The following MTMR8 variants were observed in gnomAD, a reference collection of about 807,000 sequenced individuals.
MTMR8 encodes myotubularin related protein 8, also known as phosphatidylinositol-3,5-bisphosphate 3-phosphatase MTMR8.
In MTMR8, 65 loss-of-function variants were observed where a neutral mutation model predicts 39.3. The ratio of observed to expected loss-of-function variants is 1.65; its 90% CI spans 1.35 to 2.03. The LOEUF (loss-of-function observed/expected upper bound fraction) is 2.03. Ranked by LOEUF, MTMR8 falls within the 30% of genes most tolerant of loss-of-function variation. MTMR8 has a pLI of 0.00. For synonymous variants in MTMR8, 245 were observed against 185.2 expected, an observed-to-expected ratio of 1.32 and a Z score of -2.62; for missense variants, 777 against 538.9, an observed-to-expected ratio of 1.44 and a Z score of -4.37.
intron 4 of MTMR8, among the ~76,000 whole-genome samples, chrX:64,352,798 C>T (rs1227427374): frequency 8.9e-6 from 1 of 111,748 alleles, no homozygotes; most frequent in Non-Finnish European, 1.9e-5. Flanking sequence ...TTCAGGTTCT[C>T]ATAACTTCAC....
At chrX:64,278,470 T>G (rs1274306933) in intron 12 of MTMR8, among the ~76,000 whole-genome samples, 2 of 65,104 alleles carry the variant, frequency 3.1e-5, no homozygotes, top group African/African-American at 1.1e-4. Context: ...GTTTTTTTTT[T>G]TTTTTTTTTT....
In MTMR8 at chrX:64,291,382, G is replaced by T. The variant is rs141152282; in HGVS notation, c.1482-20309C>A. Among the ~76,000 whole-genome samples the T allele has an allele frequency of 4.6e-3, 506 of 110,637 alleles. 4 individuals are homozygous for T. Among genetic ancestry groups the T allele is most frequent in the African/African-American group, 0.016 (489 of 30,493 alleles). On this transcript the variant is annotated intron_variant, in intron 12 of 13. Transcript: ENST00000374852. ...GAACCCTCTGACCCAGCAACTTCCT[G>T]ACATGCTGCCTAGTCATCTAAACAC... is the stretch of plus-strand genomic sequence containing the variant.
chrX:64,343,385 C>A (rs1457366534), intron 8 of MTMR8, among the ~76,000 whole-genome samples: 1 of 111,414 alleles, frequency 9.0e-6, no homozygotes, highest in East Asian at 2.9e-4. Flanking sequence ...CTGTGGCCAC[C>A]TAAAAGTTAC....
intron 12 of MTMR8, among the ~76,000 whole-genome samples, chrX:64,308,336 T>TTA (rs1210537943): frequency 1.0e-5 from 1 of 96,498 alleles, no homozygotes; most frequent in African/African-American, 3.9e-5. Flanking sequence ...TTTTTTTTTT[T>TTA]TTTTTTGTAT....
intron 1 of MTMR8, among the ~76,000 whole-genome samples, chrX:64,372,047 G>A (rs749019053): frequency 7.4e-5 from 8 of 108,561 alleles, no homozygotes; most frequent in Non-Finnish European, 1.5e-4. Context: ...TGAGAACATA[G>A]ATGAGAACAT....
chrX:64,274,167 C>T (rs1323356980), intron 12 of MTMR8, among the ~76,000 whole-genome samples: 2 of 111,577 alleles, frequency 1.8e-5, no homozygotes, highest in African/African-American at 6.5e-5. Context: ...TTTTCAAAAG[C>T]ACATGTAACA....
intron 12 of MTMR8, among the ~76,000 whole-genome samples, chrX:64,311,428 C>A (rs1001626848): frequency 9.0e-6 from 1 of 111,145 alleles, no homozygotes; most frequent in African/African-American, 3.3e-5. Context: ...CAAAAATTTT[C>A]TCCCATTCTG....
Position 64,316,940 on chromosome X carries a change from G to A in MTMR8, c.1481+11832C>T, listed in dbSNP as rs779330108. Among the ~76,000 whole-genome samples, 14 of 107,538 alleles carry A rather than the reference G, an allele frequency of 1.3e-4. No homozygotes were observed. The East Asian group carries it at 1.8e-3, about 14-fold the overall frequency. The allele number at this position is 107,538 out of a possible 115,157, so 93.4% of individuals were successfully genotyped here. A position where few individuals can be genotyped will look rare whatever the true frequency, so the allele number is the denominator to read the frequency against. ...AGCCTGGCCAACATAGCAAAATCCCGTCTCTACTAAAAAGACAAAAAGTTA... is the reference window on the plus strand; with the variant it reads ...AGCCTGGCCAACATAGCAAAATCCCATCTCTACTAAAAAGACAAAAAGTTA... On this transcript the variant is annotated intron_variant, in intron 12 of 13. Transcript: ENST00000374852.
In MTMR8 at chrX:64,348,882, G is replaced by A. The variant is rs946516402; in HGVS notation, c.598-88C>T. 5.9e-5 allele frequency: 60 copies of A among 1,020,993 alleles called. No individual in the cohort carries two copies. In the South Asian group the frequency reaches 6.0e-4, roughly 10 times the overall value. 84.1% of individuals were successfully genotyped at this position (1,020,993 alleles called of 1,213,427 possible). A position where few individuals can be genotyped will look rare whatever the true frequency, so the allele number is the denominator to read the frequency against. Reference sequence around the variant, plus strand: ...ACCCTTGCCAGGTTCCATGAGTAGAGGGAGAGGATGAGCCAACTTAAGATA... The same window carrying A: ...ACCCTTGCCAGGTTCCATGAGTAGAAGGAGAGGATGAGCCAACTTAAGATA... On this transcript the variant is annotated intron_variant, in intron 5 of 13. Coordinates refer to ENST00000374852, the MANE Select transcript of MTMR8 (RefSeq NM_017677.4).
intron 12 of MTMR8, among the ~76,000 whole-genome samples, chrX:64,316,607 C>T (rs1428701885): frequency 5.4e-5 from 6 of 110,982 alleles, no homozygotes; most frequent in Non-Finnish European, 1.1e-4. Context: ...ATGATTGCAC[C>T]AATGCACACC....
chrX:64,382,081 A>T (rs755521082), intron 1 of MTMR8, among the ~76,000 whole-genome samples: 38 of 111,722 alleles, frequency 3.4e-4, no homozygotes, highest in African/African-American at 1.2e-3. Context: ...TGACTTGGCA[A>T]TGTGGGCTCT....
At chrX:64,393,157 C>A (rs1350898065) in intron 1 of MTMR8, among the ~76,000 whole-genome samples, 1 of 111,904 alleles carries the variant, frequency 8.9e-6, no homozygotes, top group Non-Finnish European at 1.9e-5. Flanking sequence ...GAACCCTATC[C>A]CAGCACCAGT....
intron 12 of MTMR8, among the ~76,000 whole-genome samples, chrX:64,325,336 G>T (rs1569220812): frequency 9.0e-6 from 1 of 111,571 alleles, no homozygotes; most frequent in Non-Finnish European, 1.9e-5. Flanking sequence ...GCAAAGCCAG[G>T]CAAGGACACA....
chrX:64,360,479 T>C, intron 1 of MTMR8: 1 of 175,428 alleles, frequency 5.7e-6, no homozygotes, highest in Non-Finnish European at 1.1e-5. Flanking sequence ...AGTAGGACTC[T>C]ATATCCAACA....
At chrX:64,360,123 C>T (rs1340077805) in intron 1 of MTMR8, among the ~76,000 whole-genome samples, 1 of 110,255 alleles carries the variant, frequency 9.1e-6, no homozygotes, top group African/African-American at 3.3e-5. Context: ...AAGAGATATA[C>T]TTTAGAGTCA....
chrX:64,276,115 T>C (rs1279120746), intron 12 of MTMR8, among the ~76,000 whole-genome samples: 4 of 111,976 alleles, frequency 3.6e-5, no homozygotes, highest in Non-Finnish European at 5.6e-5. Flanking sequence ...ATCTATTTTG[T>C]TGATCTTTTG....
chrX:64,278,514 T>C (rs1931933048), intron 12 of MTMR8, among the ~76,000 whole-genome samples: 1 of 75,950 alleles, frequency 1.3e-5, no homozygotes. Flanking sequence ...CACTTTGTCC[T>C]CCAGGCTGGA....
rs1044322360 is a variant in MTMR8 at position 64,386,712 on chromosome X, A to G, written c.24+8628T>C. On this transcript the variant is annotated intron_variant, in intron 1 of 13. Coordinates refer to ENST00000374852, the MANE Select transcript of MTMR8 (RefSeq NM_017677.4). ...AGAAGGATATGTAAACATGATAGAA[A>G]TAGTTTGGTGAAAGCATGTCATCAT... is the stretch of plus-strand genomic sequence containing the variant. Among the ~76,000 whole-genome samples the G allele has an allele frequency of 1.6e-4, 18 of 111,620 alleles. 1 individual carries two copies. The highest frequency in any genetic ancestry group is 2.1e-4 in the Non-Finnish European group (11 of 53,144).
intron 2 of MTMR8, among the ~76,000 whole-genome samples, chrX:64,357,372 T>C (rs368358436): frequency 9.0e-6 from 1 of 111,680 alleles, no homozygotes; most frequent in Non-Finnish European, 1.9e-5. Flanking sequence ...TTCAATCATA[T>C]CCACCATCTA....
Sources: allele counts gnomAD v4.1 joint callset (sites outside exome capture counted in the v4.1 genomes callset), GRCh38; gene constraint gnomAD v4.1.1; transcripts MANE v1.5; gene names NCBI Gene and HGNC (gene_info 2026-07-23, HGNC 2026-07-21).